Variants in KAZN observed in about 807,000 individuals in gnomAD.
KAZN encodes kazrin, periplakin interacting protein, also known as kazrin.
A neutral mutation model predicts 87.4 loss-of-function variants in KAZN; 40 were observed. The observed-to-expected ratio is 0.46, with a 90% CI of 0.36 to 0.60. The LOEUF (loss-of-function observed/expected upper bound fraction) is 0.60, where lower values mean the gene tolerates loss of function less well. Ranked by LOEUF, KAZN falls within the 20% of genes least tolerant of loss-of-function variation. The pLI, the probability that KAZN is intolerant of heterozygous loss-of-function variation, is 0.00. For missense variants in KAZN, 898 were observed against 1,073.9 expected (o/e 0.84, Z 2.29); for synonymous variants, 466 against 458.3 (o/e 1.02, Z -0.22).
At position 15,032,125 on chromosome 1, in the gene KAZN, G is replaced by C. The variant is rs764824384; in HGVS notation, c.419-2624G>C. Among the ~76,000 whole-genome samples the C allele has an allele frequency of 1.4e-3, 203 of 143,022 alleles. 1 individual carries two copies. The highest frequency in any genetic ancestry group is 2.3e-3 in the Non-Finnish European group (153 of 65,764). The allele number at this position is 143,022 out of a possible 152,430, so 93.8% of individuals were successfully genotyped here. ...CCCGATCCACCCCCACACCCAGCCC[G>C]AGGCAGACGCTTATCTCCTTTCTGT... On this transcript the variant is annotated intron_variant, in intron 2 of 14. Coordinates refer to ENST00000376030, the MANE Select transcript of KAZN (RefSeq NM_201628.3).
In KAZN at chr1:14,017,969, T is replaced by C. The variant is rs76709390; in HGVS notation, c.91+124213T>C. ...CATAACAGCTGACGTTTACTAAGCA[T>C]GTATCTGCCAGGCACTGATCAAAAT... is the stretch of plus-strand genomic sequence containing the variant. On this transcript the variant is annotated intron_variant, in intron 1 of 16. Coordinates refer to the KAZN transcript ENST00000636203. Among the ~76,000 whole-genome samples, 544 of 152,314 alleles carry C rather than the reference T, an allele frequency of 3.6e-3. 3 individuals are homozygous for C. Among genetic ancestry groups the C allele is most frequent in the African/African-American group, 0.013 (529 of 41,572 alleles).
In KAZN at chr1:15,108,878, C is replaced by T. The variant is rs114143059; in HGVS notation, c.2049-3549C>T. Among the ~76,000 whole-genome samples, 750 of 152,278 alleles carry T rather than the reference C, an allele frequency of 4.9e-3. 6 individuals are homozygous for T. Among genetic ancestry groups the T allele is most frequent in the African/African-American group, 0.017 (714 of 41,570 alleles). On this transcript the variant is annotated intron_variant, in intron 13 of 14. Coordinates refer to ENST00000376030, the MANE Select transcript of KAZN (RefSeq NM_201628.3). ...AAGTGACTAGAAATACTTAATAGGT[C>T]GGTTCAAAGCTTCCAAAGACCTTGG...
chr1:14,645,201 T>G (rs948495861), intron 1 of KAZN, among the ~76,000 whole-genome samples: 2 of 152,240 alleles, frequency 1.3e-5, no homozygotes, highest in African/African-American at 4.8e-5. Flanking sequence ...TTGGTTACTG[T>G]AGCCTTGTAG....
chr1:14,801,327 C>T lies in KAZN; in HGVS notation c.227-159357C>T, dbSNP rs111288264. Among the ~76,000 whole-genome samples the T allele has an allele frequency of 8.4e-3, 1,285 of 152,284 alleles. 18 individuals are homozygous for T. The highest frequency in any genetic ancestry group is 0.029 in the African/African-American group (1,224 of 41,568). ...CAGGAGAAAGTCTGTGCCGTTATGA[C>T]TGGCTGACTGGCGCTCACTGTCGGT... On this transcript the variant is annotated intron_variant, in intron 1 of 14. Transcript: ENST00000376030.
intron 2 of KAZN, among the ~76,000 whole-genome samples, chr1:15,001,305 T>TA (rs1186373818): frequency 6.9e-5 from 5 of 72,588 alleles, no homozygotes; most frequent in Admixed American, 1.4e-4. Flanking sequence ...CTACTAAAAA[T>TA]ACAAAAAAAA....
At chr1:14,033,921 C>A (rs936105659) in intron 1 of KAZN, among the ~76,000 whole-genome samples, 2 of 152,196 alleles carry the variant, frequency 1.3e-5, no homozygotes, top group Non-Finnish European at 2.9e-5. Flanking sequence ...CTGTGTTAAT[C>A]CAGTCCATGC....
chr1:14,457,819 G>GTTTTTTTT (rs147082108), intron 2 of KAZN, among the ~76,000 whole-genome samples: 1 of 136,942 alleles, frequency 7.3e-6, no homozygotes, highest in Non-Finnish European at 1.5e-5. Context: ...GTTGTTTTTT[G>GTTTTTTTT]TTTTGTTTTT....
chr1:14,699,506 G>A (rs1641802020), intron 1 of KAZN, among the ~76,000 whole-genome samples: 1 of 152,234 alleles, frequency 6.6e-6, no homozygotes, highest in African/African-American at 2.4e-5. Flanking sequence ...AGAGGCTACA[G>A]TGGGACAGGG....
chr1:14,160,735 C>A (rs7532380), intron 1 of KAZN, among the ~76,000 whole-genome samples: 22,157 of 152,146 alleles, frequency 0.15, 1,825 homozygotes, highest in East Asian at 0.33. Context: ...TTTGGGGGTT[C>A]ACTAAAAGCC....
At chr1:14,491,755 C>CAGATA (rs1354461156) in intron 2 of KAZN, among the ~76,000 whole-genome samples, 2 of 152,050 alleles carry the variant, frequency 1.3e-5, no homozygotes, top group Non-Finnish European at 2.9e-5. Context: ...TGTGATTATA[C>CAGATA]CATTTATCTA....
At position 14,533,266 on chromosome 1, in the gene KAZN, A is replaced by C. The variant is rs188013353; in HGVS notation, c.250-65717A>C. Among the ~76,000 whole-genome samples the C allele has an allele frequency of 7.9e-5, 12 of 152,330 alleles. No individual in the cohort carries two copies. The East Asian group carries it at 2.3e-3, about 29-fold the overall frequency. The stretch of plus-strand genomic sequence containing the variant: ...TAAACACAGTACCCCAGGACAAGTT[A>C]TTAGACATAGAGTAGTGGGGGGAAA... On this transcript the variant is annotated intron_variant, in intron 2 of 16. Coordinates refer to the KAZN transcript ENST00000636203.
intron 1 of KAZN, among the ~76,000 whole-genome samples, chr1:14,045,308 T>C (rs766703570): frequency 1.7e-4 from 26 of 152,120 alleles, no homozygotes; most frequent in Admixed American, 1.3e-4. Context: ...TGGAGAGGCA[T>C]TGGTCTAGCA....
At chr1:14,083,347 G>C (rs1380450710) in intron 1 of KAZN, among the ~76,000 whole-genome samples, 1 of 152,342 alleles carries the variant, frequency 6.6e-6, no homozygotes, top group African/African-American at 2.4e-5. Context: ...AAATCAATAT[G>C]TGTGTTCTGG....
At chr1:13,989,225 G>C (rs1639166741) in intron 1 of KAZN, among the ~76,000 whole-genome samples, 2 of 152,096 alleles carry the variant, frequency 1.3e-5, no homozygotes, top group Admixed American at 6.6e-5. Context: ...ATTGCATGGG[G>C]ATATTATGTT....
chr1:14,362,612 T>C (rs1158244160), intron 2 of KAZN, among the ~76,000 whole-genome samples: 3 of 152,232 alleles, frequency 2.0e-5, no homozygotes, highest in Admixed American at 6.5e-5. Context: ...TAAGATACTC[T>C]GGCCCTATTA....
chr1:14,752,748 G>C (rs1043834103), intron 1 of KAZN, among the ~76,000 whole-genome samples: 1 of 152,086 alleles, frequency 6.6e-6, no homozygotes, highest in Non-Finnish European at 1.5e-5. Flanking sequence ...TGGTGGGGAG[G>C]GGGGACACAT....
Position 15,066,546 on chromosome 1 carries a change from G to A in KAZN, c.1222+793G>A, listed in dbSNP as rs777423721. On this transcript the variant is annotated intron_variant, in intron 8 of 14. Transcript: ENST00000376030. This position sits in a 1 kb window ranked among gnomAD's most constrained non-coding sequence, Gnocchi z 4.3. ...CTACCAGTTTTTAAATTGCATTGCC[G>A]TTTCTTTCTTTATGAAAAAAAAGAA... 33 of 985,074 alleles carry A rather than the reference G, an allele frequency of 3.4e-5. No individual in the cohort carries two copies. The highest frequency in any genetic ancestry group is 2.3e-4 in the African/African-American group (13 of 57,270). The allele number at this position is 985,074 out of a possible 1,614,324, so 61.0% of individuals were successfully genotyped here.
chr1:15,045,235 A>G (rs1470852454), intron 4 of KAZN, among the ~76,000 whole-genome samples: 1 of 152,082 alleles, frequency 6.6e-6, no homozygotes, highest in Non-Finnish European at 1.5e-5. Flanking sequence ...AAGGGGGAGG[A>G]CGTAAGTCTT....
At chr1:14,684,813 T>C (rs1640862854) in intron 1 of KAZN, among the ~76,000 whole-genome samples, 1 of 152,192 alleles carries the variant, frequency 6.6e-6, no homozygotes. Flanking sequence ...CAGGCCCACC[T>C]GGATAACCCA....
Sources: allele counts gnomAD v4.1 joint callset (sites outside exome capture counted in the v4.1 genomes callset), GRCh38; gene constraint gnomAD v4.1.1; non-coding constraint Gnocchi (gnomAD v3.1); transcripts MANE v1.5; gene names NCBI Gene and HGNC (gene_info 2026-07-23, HGNC 2026-07-21).